The following FRMPD4 variants were observed in gnomAD, a reference collection of about 807,000 sequenced individuals.
The protein encoded by FRMPD4 is FERM and PDZ domain-containing protein 4.
FRMPD4 carries 22 observed loss-of-function variants against 94.1 expected under a neutral mutation model. The observed-to-expected ratio is 0.23, with a 90% CI of 0.17 to 0.33. FRMPD4 has a LOEUF of 0.33. FRMPD4 is among the 10% of genes least tolerant of loss of function. FRMPD4 has a pLI of 1.00. For missense variants in FRMPD4, 1,111 were observed against 1,339.9 expected (o/e 0.83, Z 2.67); for synonymous variants, 631 against 548.6 (o/e 1.15, Z -2.10).
chrX:12,309,206 A>G (rs1349389397), intron 1 of FRMPD4, among the ~76,000 whole-genome samples: 1 of 111,887 alleles, frequency 8.9e-6, no homozygotes, highest in Non-Finnish European at 1.9e-5. Context: ...CCCAGGGGCT[A>G]TAGTTTGCCA....
intron 4 of FRMPD4, among the ~76,000 whole-genome samples, chrX:12,620,806 C>T (rs192309343): frequency 5.5e-4 from 62 of 112,670 alleles, no homozygotes; most frequent in African/African-American, 1.7e-3. Context: ...CTAGCAGACC[C>T]CATTGCAAAT....
chrX:11,890,710 C>T (rs1191378891), intron 3 of FRMPD4, among the ~76,000 whole-genome samples: 1 of 112,731 alleles, frequency 8.9e-6, no homozygotes, highest in Admixed American at 9.3e-5. Context: ...CATGGAGAAG[C>T]TGAATTCAAA....
chrX:12,655,101 T>C (rs2059639266), intron 4 of FRMPD4, among the ~76,000 whole-genome samples: 1 of 112,569 alleles, frequency 8.9e-6, no homozygotes, highest in Non-Finnish European at 1.9e-5. Flanking sequence ...TGTTCTTATA[T>C]TGTGATTGTT....
chrX:12,546,177 C>CTTTTTTTTTTTTTTTTTTTTTTT, intron 2 of FRMPD4, among the ~76,000 whole-genome samples: 1 of 91,941 alleles, frequency 1.1e-5, no homozygotes, highest in South Asian at 5.1e-4. Context: ...TGCCAACTGT[C>CTTTTTTTTTTTTTTTTTTTTTTT]TTTTTTTTTT....
Position 12,416,897 on chromosome X carries a change from GA to G in FRMPD4, c.42-81775del, listed in dbSNP as rs1327522558. On this transcript the variant is annotated intron_variant, in intron 1 of 16. Transcript: ENST00000675598. ...AAAATCCTTTATTTTGGGAACACCA[GA>G]AAAAAAATTTTAGAAGGTATTCTCT... 3.6e-5 allele frequency among the ~76,000 whole-genome samples: 4 copies of G among 111,497 alleles called. No individual in the cohort carries two copies. The East Asian group carries it at 8.5e-4, about 24-fold the overall frequency.
intron 1 of FRMPD4, among the ~76,000 whole-genome samples, chrX:12,490,782 CT>C (rs1002357392): frequency 9.0e-6 from 1 of 111,390 alleles, no homozygotes; most frequent in African/African-American, 3.3e-5. Flanking sequence ...CTACTTTATT[CT>C]TCCCTGATTT....
chrX:11,877,568 T>G (rs767224104), intron 2 of FRMPD4, among the ~76,000 whole-genome samples: 2 of 112,124 alleles, frequency 1.8e-5, no homozygotes, highest in East Asian at 5.6e-4. Context: ...GCTGTTGACT[T>G]GTCCATTTTT....
At chrX:12,074,151 TTA>T (rs780815781) in intron 3 of FRMPD4, among the ~76,000 whole-genome samples, 1 of 112,273 alleles carries the variant, frequency 8.9e-6, no homozygotes, top group East Asian at 2.8e-4. Context: ...CAGGAATAAT[TTA>T]TGTCAAAATT....
intron 3 of FRMPD4, among the ~76,000 whole-genome samples, chrX:11,984,824 A>T (rs2054418455): frequency 8.9e-6 from 1 of 112,428 alleles, no homozygotes; most frequent in Non-Finnish European, 1.9e-5. Context: ...GAATATAAAA[A>T]ATACTCTTAC....
chrX:11,984,329 C>A (rs2054415118), intron 3 of FRMPD4, among the ~76,000 whole-genome samples: 1 of 112,447 alleles, frequency 8.9e-6, no homozygotes, highest in South Asian at 3.7e-4. Flanking sequence ...TGGTCCACAC[C>A]TGCTTTGACT....
chrX:12,070,575 A>G (rs916518529), intron 3 of FRMPD4, among the ~76,000 whole-genome samples: 1 of 111,680 alleles, frequency 9.0e-6, no homozygotes, highest in Non-Finnish European at 1.9e-5. Context: ...GTCGCCTCTA[A>G]ACAGATAAAT....
intron 1 of FRMPD4, among the ~76,000 whole-genome samples, chrX:12,269,501 G>T (rs2054323288): frequency 8.9e-6 from 1 of 112,281 alleles, no homozygotes; most frequent in Non-Finnish European, 1.9e-5. Context: ...TCACGTCATT[G>T]ATAGATACTA....
chrX:12,681,491 CTGTT>C (rs1020545809), intron 5 of FRMPD4, among the ~76,000 whole-genome samples: 9 of 111,564 alleles, frequency 8.1e-5, no homozygotes, highest in Admixed American at 2.9e-4. Flanking sequence ...TTGCTGTTGT[CTGTT>C]TGTTTGTTTG....
At chrX:12,082,117 GTGTGTATA>G (rs1281553475) in intron 3 of FRMPD4, among the ~76,000 whole-genome samples, 2 of 111,663 alleles carry the variant, frequency 1.8e-5, no homozygotes, top group African/African-American at 6.5e-5. Flanking sequence ...CTCTGTGGTT[GTGTGTATA>G]TGTGCATTCT....
chrX:12,125,439 A>C (rs1019741964), intron 3 of FRMPD4, among the ~76,000 whole-genome samples: 3 of 111,842 alleles, frequency 2.7e-5, no homozygotes, highest in Admixed American at 9.5e-5. Flanking sequence ...GATGCCCAAC[A>C]TTACTTTTCT....
chrX:12,153,692 A>G (rs1201905871), intron 1 of FRMPD4, among the ~76,000 whole-genome samples: 3 of 112,570 alleles, frequency 2.7e-5, no homozygotes, highest in Non-Finnish European at 5.6e-5. Context: ...GCATAACACT[A>G]TACTGGACAT....
intron 1 of FRMPD4, among the ~76,000 whole-genome samples, chrX:12,359,541 C>G (rs1027049252): frequency 2.8e-5 from 3 of 107,001 alleles, no homozygotes; most frequent in African/African-American, 1.0e-4. Flanking sequence ...AGTCTTGGCT[C>G]ACTGCAACCT....
intron 2 of FRMPD4, among the ~76,000 whole-genome samples, chrX:12,585,423 G>C (rs2058918147): frequency 1.8e-5 from 2 of 110,182 alleles, no homozygotes; most frequent in Admixed American, 1.9e-4. Flanking sequence ...GTTTCACCAT[G>C]TTGGCCAGGC....
chrX:12,078,296 T>C (rs1276525082), intron 3 of FRMPD4, among the ~76,000 whole-genome samples: 1 of 112,510 alleles, frequency 8.9e-6, no homozygotes, highest in Non-Finnish European at 1.9e-5. Context: ...TTATGTAATA[T>C]AATAATGCGA....
Sources: gnomAD v4.1 joint callset for allele counts (sites outside exome capture counted in the v4.1 genomes callset) on GRCh38, gnomAD v4.1.1 for gene constraint, MANE v1.5 for transcripts, NCBI Gene and HGNC (gene_info 2026-07-23, HGNC 2026-07-21) for gene names.